ADCY5: variants seen among roughly 807,000 people sequenced by gnomAD.
ADCY5 encodes adenylate cyclase 5, also known as adenylate cyclase type 5.
In ADCY5, 30 loss-of-function variants were observed where a neutral mutation model predicts 119.7. The ratio of observed to expected loss-of-function variants is 0.25; its 90% CI spans 0.19 to 0.34. The LOEUF is 0.34. ADCY5 is among the 10% of genes least tolerant of loss of function. The probability of loss-of-function intolerance (pLI) is 1.00; values close to 1 mark genes in which losing one functional copy is unlikely to be tolerated. For synonymous variants in ADCY5, 753 were observed against 762.2 expected (o/e 0.99, Z 0.20); for missense variants, 1,324 against 1,775.2 (o/e 0.75, Z 4.57).
chr3:123,314,765 A>C (rs1213568465), intron 11 of ADCY5, among the ~76,000 whole-genome samples: 1 of 152,130 alleles, frequency 6.6e-6, no homozygotes, highest in African/African-American at 2.4e-5. Flanking sequence ...AAGGCTGAAA[A>C]CTGATTGGAT....
intron 1 of ADCY5, among the ~76,000 whole-genome samples, chr3:123,403,555 C>T (rs933163684): frequency 9.2e-5 from 14 of 152,150 alleles, no homozygotes; most frequent in African/African-American, 3.4e-4. Context: ...AGAGGAAAAA[C>T]TCAGGGAGCA....
intron 12 of ADCY5, among the ~76,000 whole-genome samples, chr3:123,307,156 C>T (rs1021633109): frequency 2.6e-5 from 4 of 152,084 alleles, no homozygotes; most frequent in African/African-American, 4.8e-5. Context: ...CTGGAATTAG[C>T]ACCAATAGTT....
intron 1 of ADCY5, among the ~76,000 whole-genome samples, chr3:123,410,778 G>A (rs895456534): frequency 2.6e-5 from 4 of 152,118 alleles, no homozygotes; most frequent in African/African-American, 9.7e-5. Flanking sequence ...CTCTTGAGTA[G>A]CTAGGACTAC....
rs376956330 is a variant in ADCY5 at position 123,319,768 on chromosome 3, C to T, written c.2162G>A (p.Gly721Asp). 1 of 1,614,246 alleles carries T rather than the reference C, an allele frequency of 6.2e-7. No individual in the cohort carries two copies. Among genetic ancestry groups the T allele is most frequent in the Non-Finnish European group, 8.5e-7 (1 of 1,180,038 alleles). Residue 721 changes from glycine to aspartate, a missense_variant, in exon 10 of 21, where the codon GGC becomes GAC. By Grantham distance (94) the Gly-to-Asp change is moderately conservative (BLOSUM62 -1). This residue lies in a region of ADCY5 where 424 missense variants were observed against 546.8 expected (regional missense o/e 0.78). Coordinates refer to ENST00000462833, the MANE Select transcript of ADCY5 (RefSeq NM_183357.3). ...AATGCTCCTGGCGTCAATGGCACGG[C>T]CCAGAAACTCATCCACTTCATCCTC... is the stretch of plus-strand genomic sequence containing the variant. ...NPEDEVDEFL[G>D]RAIDARSIDR... is the part of the protein sequence containing the mutation.
intron 1 of ADCY5, 40 bp downstream of exon 1, chr3:123,447,372 C>A: frequency 6.8e-7 from 1 of 1,471,936 alleles, no homozygotes; most frequent in Non-Finnish European, 9.0e-7. Context: ...GAGGCCTGCC[C>A]GCCCCGCAAT....
intron 3 of ADCY5, among the ~76,000 whole-genome samples, chr3:123,342,679 GA>G (rs1418684314): frequency 1.3e-5 from 2 of 152,184 alleles, no homozygotes; most frequent in Admixed American, 6.5e-5. Context: ...GAAGAGTCTG[GA>G]ATGATCTCTC....
intron 7 of ADCY5, among the ~76,000 whole-genome samples, chr3:123,326,906 T>C (rs566664403): frequency 1.1e-4 from 16 of 152,360 alleles, no homozygotes; most frequent in Admixed American, 8.5e-4. Context: ...ACTAATTTTG[T>C]CTTTCGTTTC....
intron 1 of ADCY5, among the ~76,000 whole-genome samples, chr3:123,384,200 T>C (rs1944137124): frequency 6.6e-6 from 1 of 152,206 alleles, no homozygotes; most frequent in South Asian, 2.1e-4. Context: ...GAAAAGACCC[T>C]GAGGGAGATT....
rs368009688 is a variant in ADCY5, at chr3:123,395,895, G to C, written c.1135-43314C>G. On this transcript the variant is annotated intron_variant, in intron 1 of 20. Coordinates refer to ENST00000462833, the MANE Select transcript of ADCY5 (RefSeq NM_183357.3). ...GAAGATCCTGTCTCAAAAAAAGAAA[G>C]AGAGAGAGAGAAAGAGAGAAAGAAA... 3.4e-5 allele frequency among the ~76,000 whole-genome samples: 5 copies of C among 148,722 alleles called. No individual in the cohort carries two copies. The East Asian group carries it at 5.9e-4, about 17-fold the overall frequency.
In ADCY5 at chr3:123,358,155, CGTGTGTGTGTGTGTGT is replaced by C. The variant is rs6148049; in HGVS notation, c.1135-5590_1135-5575del. Among the ~76,000 whole-genome samples the C allele has an allele frequency of 5.1e-4, 72 of 140,968 alleles. 1 individual carries two copies. The highest frequency in any genetic ancestry group is 1.8e-3 in the African/African-American group (62 of 35,284). The allele number at this position is 140,968 out of a possible 152,430, so 92.5% of individuals were successfully genotyped here. A position where few individuals can be genotyped will look rare whatever the true frequency, so the allele number is the denominator to read the frequency against. On this transcript the variant is annotated intron_variant, in intron 1 of 20. Coordinates refer to ENST00000462833, the MANE Select transcript of ADCY5 (RefSeq NM_183357.3). ...GGGACACATCTAACCACATGGAACACGTGTGTGTGTGTGTGTGTGTGTGTGTGTGTGTGTGTGTGTA... is the reference window on the plus strand; with the variant it reads ...GGGACACATCTAACCACATGGAACACGTGTGTGTGTGTGTGTGTGTGTGTA...
rs1485287534 is a variant in ADCY5, at chr3:123,448,271, C to A, written c.275G>T (p.Gly92Val). 1 of 1,516,378 alleles carries A rather than the reference C, an allele frequency of 6.6e-7. No individual in the cohort carries two copies. The highest frequency in any genetic ancestry group is 8.8e-7 in the Non-Finnish European group (1 of 1,140,918). The allele number at this position is 1,516,378 out of a possible 1,614,324, so 93.9% of individuals were successfully genotyped here. The change falls in exon 1 of 21, where the codon GGC (glycine) becomes GTC (valine). Residue 92 changes from glycine to valine, a missense_variant. Physicochemically the swap from Gly to Val is moderately radical, Grantham distance 109 (BLOSUM62 -3). Coordinates refer to ENST00000462833, the MANE Select transcript of ADCY5 (RefSeq NM_183357.3). ...CTTGGAGCGGAAGCTGAAGCCGAAG[C>A]CCCCGGCCAGGGGGTCGTCACCGCT... Reference protein sequence around the residue: ...PLSGDDPLAGGFGFSFRSKSA... With the variant: ...PLSGDDPLAGVFGFSFRSKSA...
rs1424249506 is a variant in ADCY5, at chr3:123,448,393, G to A, written c.153C>T (p.Arg51=). The change falls in exon 1 of 21, where the codon CGC becomes CGT. Residue 51 remains arginine (R), a synonymous_variant. Coordinates refer to ENST00000462833, the MANE Select transcript of ADCY5 (RefSeq NM_183357.3). The part of the protein sequence containing the change: ...GYPHAPGGSA[R]GSTKKPGGAV... ...CCCCCCCGGGTTTCTTGGTGGAGCC[G>A]CGGGCAGAGCCCCCGGGGGCATGGG... 2.1e-6 allele frequency: 3 copies of A among 1,450,992 alleles called. No individual in the cohort carries two copies. Among genetic ancestry groups the A allele is most frequent in the Admixed American group, 2.6e-5 (1 of 37,926 alleles). 89.9% of individuals were successfully genotyped at this position (1,450,992 alleles called of 1,614,324 possible).
At chr3:123,345,680 A>G (rs1942497419) in intron 3 of ADCY5, among the ~76,000 whole-genome samples, 1 of 152,024 alleles carries the variant, frequency 6.6e-6, no homozygotes, top group African/African-American at 2.4e-5. Context: ...CTGGATTTTA[A>G]GAACTGCCAT....
chr3:123,447,836 A>G lies in ADCY5; in HGVS notation c.710T>C (p.Leu237Pro), dbSNP rs1303546179. The G allele has an allele frequency of 6.2e-7, 1 of 1,612,784 alleles. No individual in the cohort carries two copies. The highest frequency in any genetic ancestry group is 8.5e-7 in the Non-Finnish European group (1 of 1,179,724). Residue 237 changes from leucine (L) to proline (P), a missense_variant, in exon 1 of 21, where the codon CTG (leucine) becomes CCG (proline). Leu to Pro is a moderately conservative substitution (Grantham distance 98). Coordinates refer to ENST00000462833, the MANE Select transcript of ADCY5 (RefSeq NM_183357.3). ...GAGCATGGTGAGGCTGCTCTGGTTC[A>G]GGCGGAAGAAGTAGCGCTGGTACAG... is the stretch of plus-strand genomic sequence containing the variant. The part of the protein sequence containing the change: ...ERLYQRYFFR[L>P]NQSSLTMLMA...
intron 1 of ADCY5, among the ~76,000 whole-genome samples, chr3:123,398,738 A>T (rs1338456123): frequency 6.6e-6 from 1 of 152,088 alleles, no homozygotes; most frequent in Non-Finnish European, 1.5e-5. Flanking sequence ...TTCTTTGCCC[A>T]TGCCATTAAC....
chr3:123,316,192 C>A (rs550689198), intron 11 of ADCY5, among the ~76,000 whole-genome samples: 3 of 151,882 alleles, frequency 2.0e-5, no homozygotes, highest in Non-Finnish European at 2.9e-5. Flanking sequence ...AAATGTAGAC[C>A]CCCCCCAACC....
chr3:123,372,660 C>T (rs941495854), intron 1 of ADCY5, among the ~76,000 whole-genome samples: 3 of 152,152 alleles, frequency 2.0e-5, no homozygotes, highest in Non-Finnish European at 4.4e-5. Flanking sequence ...TGCCTGTGCC[C>T]CACACCAGCA....
intron 4 of ADCY5, 151 bp from the exon 5 acceptor site, chr3:123,331,167 CTGGG>C: frequency 1.3e-6 from 1 of 794,564 alleles, no homozygotes; most frequent in Non-Finnish European, 2.0e-6. Flanking sequence ...CGGCATGGTC[CTGGG>C]ACAGGCTTAT....
chr3:123,425,645 A>C (rs1289517058), intron 1 of ADCY5, among the ~76,000 whole-genome samples: 2 of 152,048 alleles, frequency 1.3e-5, no homozygotes, highest in African/African-American at 4.8e-5. Flanking sequence ...CACAGGGCTG[A>C]CCTCGCCACA....
Sources: allele counts gnomAD v4.1 joint callset (sites outside exome capture counted in the v4.1 genomes callset), GRCh38; gene constraint gnomAD v4.1.1; regional missense constraint gnomAD v4.1.1; transcripts MANE v1.5; gene names NCBI Gene and HGNC (gene_info 2026-07-23, HGNC 2026-07-21).